HLF: variants seen among roughly 807,000 people sequenced by gnomAD.
HLF encodes the protein HLF transcription factor, PAR bZIP family member.
In HLF, 3 loss-of-function variants were observed where a neutral mutation model predicts 22.6. The observed-to-expected ratio is 0.13, with a 90% CI of 0.06 to 0.34. The LOEUF (loss-of-function observed/expected upper bound fraction) is 0.34, where lower values mean the gene tolerates loss of function less well. Ranked by LOEUF, HLF falls within the 10% of genes least tolerant of loss-of-function variation. The probability of loss-of-function intolerance (pLI) is 1.00; values close to 1 mark genes in which losing one functional copy is unlikely to be tolerated. For synonymous variants in HLF, 151 were observed against 151.8 expected (o/e 0.99, Z 0.04); for missense variants, 299 against 389.2 (o/e 0.77, Z 1.95).
At chr17:55,307,302 C>T (rs546758224) in intron 2 of HLF, among the ~76,000 whole-genome samples, 19 of 151,050 alleles carry the variant, frequency 1.3e-4, no homozygotes, top group Non-Finnish European at 1.5e-4. Context: ...TACAAGCGTG[C>T]GCCACCATGC....
chr17:55,265,759 C>T (rs2080781771), intron 1 of HLF, 160 bp downstream of exon 1: 7 of 1,205,746 alleles, frequency 5.8e-6, no homozygotes, highest in Middle Eastern at 2.9e-4. Context: ...ACCCAGCACC[C>T]TTCCTCCCCT....
chr17:55,289,027 C>A, intron 2 of HLF: 1 of 683,116 alleles, frequency 1.5e-6, no homozygotes, highest in Non-Finnish European at 1.8e-6. Context: ...AGGGAGGATG[C>A]AGATGGATAT....
Position 55,267,982 on chromosome 17 carries a change from C to A in HLF, c.347C>A (p.Ala116Asp). ...CCTCACCCTCCTGGGCTGCAGCCAG[C>A]TTCCTCGGCTGCCCCCTCGGTCATG... is the stretch of plus-strand genomic sequence containing the variant. ...HSPHPPGLQP[A>D]SSAAPSVMDL... The change falls in exon 2 of 4, where the codon GCT (alanine) becomes GAT (aspartate). Residue 116 changes from alanine (A) to aspartate (D), a missense_variant. Transcript: ENST00000226067. 1 of 1,613,984 alleles carries A rather than the reference C, an allele frequency of 6.2e-7. No homozygotes were observed. The highest frequency in any genetic ancestry group is 8.5e-7 in the Non-Finnish European group (1 of 1,179,906).
chr17:55,268,791 A>C (rs2080822860), intron 2 of HLF, among the ~76,000 whole-genome samples: 1 of 152,036 alleles, frequency 6.6e-6, no homozygotes, highest in Admixed American at 6.6e-5. Context: ...CCTGTATCAA[A>C]GCCCACAAGG....
At chr17:55,297,869 C>T (rs958745262) in intron 2 of HLF, among the ~76,000 whole-genome samples, 3 of 147,342 alleles carry the variant, frequency 2.0e-5, no homozygotes, top group Admixed American at 7.0e-5. Flanking sequence ...CCTGTCTCAA[C>T]CTCCCAAGTA....
chr17:55,318,342 C>A (rs1598411051), intron 3 of HLF, among the ~76,000 whole-genome samples: 1 of 152,178 alleles, frequency 6.6e-6, no homozygotes, highest in South Asian at 2.1e-4. Context: ...GTTCCCAGCT[C>A]CCCTCCCTCC....
At chr17:55,268,279 G>A (rs572254866) in intron 2 of HLF, among the ~76,000 whole-genome samples, 193 bp downstream of exon 2, 4 of 152,112 alleles carry the variant, frequency 2.6e-5, no homozygotes, top group Non-Finnish European at 4.4e-5. Context: ...TGGAGAGTCC[G>A]GTAAATACAG....
intron 2 of HLF, among the ~76,000 whole-genome samples, chr17:55,277,326 T>A (rs1484288543): frequency 1.8e-5 from 1 of 57,046 alleles, no homozygotes. Context: ...TGGGTGGGGG[T>A]GGGAAGGTTA....
intron 2 of HLF, 39 bp downstream of exon 2, chr17:55,268,125 G>C: frequency 7.0e-7 from 1 of 1,419,392 alleles, no homozygotes; most frequent in Non-Finnish European, 9.6e-7. Context: ...AAAGGGAGGA[G>C]GAGGGTGAAT....
chr17:55,298,820 G>T (rs1436679845), intron 2 of HLF, among the ~76,000 whole-genome samples: 1 of 152,200 alleles, frequency 6.6e-6, no homozygotes, highest in Non-Finnish European at 1.5e-5. Flanking sequence ...ATTTATATGA[G>T]AAAACTTGAG....
Position 55,323,846 on chromosome 17 carries a change from C to T in HLF, c.*2967C>T, listed in dbSNP as rs1451014778. Reference sequence around the variant, plus strand: ...TCACCTTTTCATCCTAAGCATCTTTCAGAGATTAATTATTTGGCCATTAAC... The same window carrying T: ...TCACCTTTTCATCCTAAGCATCTTTTAGAGATTAATTATTTGGCCATTAAC... On this transcript the variant is annotated 3_prime_UTR_variant, in exon 4 of 4. Coordinates refer to ENST00000226067, the MANE Select transcript of HLF (RefSeq NM_002126.5). 1.7e-5 allele frequency: 4 copies of T among 229,644 alleles called. No homozygotes were observed. Among genetic ancestry groups the T allele is most frequent in the Non-Finnish European group, 3.5e-5 (4 of 115,838 alleles). The allele number at this position is 229,644 out of a possible 1,614,324, so 14.2% of individuals were successfully genotyped here.
intron 3 of HLF, among the ~76,000 whole-genome samples, chr17:55,319,883 C>T (rs947524921): frequency 6.6e-6 from 1 of 152,006 alleles, no homozygotes; most frequent in African/African-American, 2.4e-5. Context: ...AATCTTTTTG[C>T]GCCTCTTTCT....
rs967243683 is a variant in HLF, at chr17:55,323,173, G to T, written c.*2294G>T. On this transcript the variant is annotated 3_prime_UTR_variant, in exon 4 of 4. Coordinates refer to ENST00000226067, the MANE Select transcript of HLF (RefSeq NM_002126.5). Reference sequence around the variant, plus strand: ...AACAGCAAGAGATGGGGGTGTATTGGAATTGCAATACATTGTTCAGGTGAA... The same window carrying T: ...AACAGCAAGAGATGGGGGTGTATTGTAATTGCAATACATTGTTCAGGTGAA... 16 of 217,306 alleles carry T rather than the reference G, an allele frequency of 7.4e-5. No homozygotes were observed. The highest frequency in any genetic ancestry group is 2.7e-3 in the Middle Eastern group (2 of 742). The allele number at this position is 217,306 out of a possible 1,614,324, so 13.5% of individuals were successfully genotyped here. A position where few individuals can be genotyped will look rare whatever the true frequency, so the allele number is the denominator to read the frequency against.
In HLF at chr17:55,324,813, G is replaced by T; in HGVS notation, c.*3934G>T. 4.3e-6 allele frequency: 1 copy of T among 229,958 alleles called. No individual in the cohort carries two copies. The highest frequency in any genetic ancestry group is 8.6e-6 in the Non-Finnish European group (1 of 116,178). 14.2% of individuals were successfully genotyped at this position (229,958 alleles called of 1,614,324 possible). A position where few individuals can be genotyped will look rare whatever the true frequency, so the allele number is the denominator to read the frequency against. ...AGAGTGTGTGTGTGTGTGTGTGCGT[G>T]CATGTGTGTGTGTGTGTATGTGTGT... On this transcript the variant is annotated 3_prime_UTR_variant, in exon 4 of 4. Transcript: ENST00000226067.
rs1460221710 is a variant in HLF at position 55,265,011 on chromosome 17, C to A, written c.-474C>A. On this transcript the variant is annotated 5_prime_UTR_variant, in exon 1 of 4. In the 5' UTR this introduces an upstream ATG that the reference lacks. Coordinates refer to ENST00000226067, the MANE Select transcript of HLF (RefSeq NM_002126.5). Reference sequence around the variant, plus strand: ...GCGGCCGGATGCGCTGAGCCCGGCGCTGCGGGGCCGCGGAGCGCTGGGGAG... The same window carrying A: ...GCGGCCGGATGCGCTGAGCCCGGCGATGCGGGGCCGCGGAGCGCTGGGGAG... 2 of 171,302 alleles carry A rather than the reference C, an allele frequency of 1.2e-5. No homozygotes were observed. Among genetic ancestry groups the A allele is most frequent in the African/African-American group, 2.5e-5 (1 of 40,400 alleles). 10.6% of individuals were successfully genotyped at this position (171,302 alleles called of 1,614,324 possible).
intron 2 of HLF, among the ~76,000 whole-genome samples, chr17:55,304,334 T>C (rs552202946): frequency 6.6e-6 from 1 of 152,138 alleles, no homozygotes; most frequent in Non-Finnish European, 1.5e-5. Context: ...AGGTGCACTG[T>C]CATAACCATC....
intron 2 of HLF, among the ~76,000 whole-genome samples, chr17:55,271,114 G>T (rs2080852745): frequency 6.6e-6 from 1 of 152,140 alleles, no homozygotes; most frequent in East Asian, 1.9e-4. Context: ...AGAACCACTG[G>T]TCTAGAACTT....
intron 2 of HLF, among the ~76,000 whole-genome samples, chr17:55,310,173 A>T (rs900955141): frequency 6.6e-6 from 1 of 151,872 alleles, no homozygotes; most frequent in Non-Finnish European, 1.5e-5. Context: ...TCCTCCAGAA[A>T]CCCTCCTTGG....
Position 55,298,211 on chromosome 17 carries a change from C to T in HLF, c.452-17016C>T, listed in dbSNP as rs9904182. ...CAGGGGATTTATGTGGGGAACTACACACTGATTGGGACAGGATTTTGTCAA... is the reference window on the plus strand; with the variant it reads ...CAGGGGATTTATGTGGGGAACTACATACTGATTGGGACAGGATTTTGTCAA... On this transcript the variant is annotated intron_variant, in intron 2 of 3. Transcript: ENST00000226067. Among the ~76,000 whole-genome samples the T allele has an allele frequency of 3.8e-3, 580 of 152,238 alleles. 3 individuals carry two copies. The highest frequency in any genetic ancestry group is 0.013 in the African/African-American group (555 of 41,516).
Sources: gnomAD v4.1 joint callset for allele counts (sites outside exome capture counted in the v4.1 genomes callset) on GRCh38, gnomAD v4.1.1 for gene constraint, MANE v1.5 for transcripts, NCBI Gene and HGNC (gene_info 2026-07-23, HGNC 2026-07-21) for gene names.